ZNF536: variants seen among roughly 807,000 people sequenced by gnomAD.
The protein encoded by ZNF536 is zinc finger protein 536.
A neutral mutation model predicts 84.5 loss-of-function variants in ZNF536; 13 were observed. That is an observed-to-expected ratio of 0.15 (90% CI 0.10 to 0.24). The LOEUF (loss-of-function observed/expected upper bound fraction) is 0.24. ZNF536 is among the 10% of genes least tolerant of loss of function. The probability of loss-of-function intolerance (pLI) is 1.00; values close to 1 mark genes in which losing one functional copy is unlikely to be tolerated. For missense variants in ZNF536, 1,536 were observed against 1,747.5 expected, an observed-to-expected ratio of 0.88 and a Z score of 2.16; for synonymous variants, 811 against 742.5, an observed-to-expected ratio of 1.09 and a Z score of -1.50.
chr19:30,325,575 T>C lies in ZNF536; in HGVS notation c.-119-26793T>C, dbSNP rs565770750. 3.9e-5 allele frequency among the ~76,000 whole-genome samples: 6 copies of C among 152,338 alleles called. No individual in the cohort carries two copies. The East Asian group carries it at 7.7e-4, about 20-fold the overall frequency. ...GAGGGCAGCGGAGAGGGCCCTTCCC[T>C]GAGGCTCAAGTCTGGTTCCTCAGAC... On this transcript the variant is annotated intron_variant, in intron 2 of 5. Transcript: ENST00000585628.
chr19:30,273,651 A>C (rs938904092), intron 1 of ZNF536, among the ~76,000 whole-genome samples: 1 of 152,202 alleles, frequency 6.6e-6, no homozygotes, highest in Non-Finnish European at 1.5e-5. Flanking sequence ...TTTATCAGAT[A>C]TGTGTTTTGC....
chr19:30,527,534 A>G (rs750643093), intron 2 of ZNF536, among the ~76,000 whole-genome samples: 7 of 151,972 alleles, frequency 4.6e-5, no homozygotes, highest in Non-Finnish European at 1.0e-4. Context: ...CCAATCCATA[A>G]GAATACTTAA....
At chr19:30,541,550 C>A (rs2045334124) in intron 3 of ZNF536, among the ~76,000 whole-genome samples, 1 of 152,140 alleles carries the variant, frequency 6.6e-6, no homozygotes, top group African/African-American at 2.4e-5. Context: ...TTAATGACAT[C>A]CTAAACTTTT....
chr19:30,425,521 C>T (rs1351602408), intron 1 of ZNF536, among the ~76,000 whole-genome samples: 4 of 152,182 alleles, frequency 2.6e-5, no homozygotes, highest in Admixed American at 2.6e-4. Flanking sequence ...CATCTGACGT[C>T]TCTCCTCCTT....
At chr19:30,334,339 A>G (rs1447069736) in intron 2 of ZNF536, among the ~76,000 whole-genome samples, 2 of 152,208 alleles carry the variant, frequency 1.3e-5, no homozygotes, top group African/African-American at 4.8e-5. Flanking sequence ...AGAGTCAATT[A>G]ATGAACTTAC....
chr19:30,497,311 CAAGCCACCT>C (rs2054762611), intron 2 of ZNF536, among the ~76,000 whole-genome samples: 1 of 152,210 alleles, frequency 6.6e-6, no homozygotes, highest in African/African-American at 2.4e-5. Flanking sequence ...ACAACATGCA[CAAGCCACCT>C]ATAGGCTTCC....
intron 1 of ZNF536, among the ~76,000 whole-genome samples, chr19:30,623,675 A>C (rs1433116433): frequency 1.3e-5 from 2 of 152,184 alleles, no homozygotes; most frequent in Non-Finnish European, 2.9e-5. Context: ...CCTCTCAGTG[A>C]GGCCTCCCTG....
intron 1 of ZNF536, among the ~76,000 whole-genome samples, chr19:30,416,859 G>T (rs1568408308): frequency 6.6e-6 from 1 of 152,108 alleles, no homozygotes; most frequent in East Asian, 1.9e-4. Flanking sequence ...CTCTACCACT[G>T]CACTTTCCAT....
At chr19:30,312,863 C>T (rs987969263) in intron 2 of ZNF536, among the ~76,000 whole-genome samples, 2 of 152,254 alleles carry the variant, frequency 1.3e-5, no homozygotes, top group African/African-American at 2.4e-5. Flanking sequence ...TGACCTCAGG[C>T]AGCCTCCCTC....
chr19:30,323,894 C>T (rs766370387), intron 2 of ZNF536, among the ~76,000 whole-genome samples: 1 of 152,166 alleles, frequency 6.6e-6, no homozygotes, highest in Non-Finnish European at 1.5e-5. Flanking sequence ...CCTCAGTCAA[C>T]CTGACCATCC....
At chr19:30,478,853 G>A (rs1447612934) in intron 2 of ZNF536, among the ~76,000 whole-genome samples, 3 of 152,176 alleles carry the variant, frequency 2.0e-5, no homozygotes, top group Admixed American at 2.0e-4. Flanking sequence ...TAGTGCACAG[G>A]ACCTGCTGGG....
intron 1 of ZNF536, among the ~76,000 whole-genome samples, chr19:30,710,479 G>A (rs560934190): frequency 6.6e-6 from 1 of 152,194 alleles, no homozygotes; most frequent in East Asian, 1.9e-4. Flanking sequence ...GTTTGAGGCT[G>A]CAGTGAGATA....
chr19:30,708,050 TA>T (rs1373969479), intron 1 of ZNF536, among the ~76,000 whole-genome samples: 1 of 151,774 alleles, frequency 6.6e-6, no homozygotes, highest in African/African-American at 2.4e-5. Flanking sequence ...TATAATTCCT[TA>T]GAAAAAGGCA....
chr19:30,378,692 G>C (rs1038464583), intron 1 of ZNF536, among the ~76,000 whole-genome samples: 3 of 152,172 alleles, frequency 2.0e-5, no homozygotes, highest in African/African-American at 7.2e-5. Flanking sequence ...CTCCTGCATT[G>C]CTCCAGCCGA....
downstream of ZNF536, among the ~76,000 whole-genome samples, chr19:30,562,431 C>A (rs917818596): frequency 6.6e-6 from 1 of 152,086 alleles, no homozygotes; most frequent in Non-Finnish European, 1.5e-5. Context: ...TGAGGATTTT[C>A]TTTTAATTGT....
In ZNF536 at chr19:30,676,285, C is replaced by T. The variant is rs186190415; in HGVS notation, c.170-34472C>T. 3.9e-5 allele frequency among the ~76,000 whole-genome samples: 6 copies of T among 152,312 alleles called. No homozygotes were observed. In the East Asian group the frequency reaches 1.2e-3, roughly 29 times the overall value. On this transcript the variant is annotated intron_variant, in intron 1 of 1. Transcript: ENST00000592773. ...TTGCCTCTACTGTGAGCAAGATGAA[C>T]ATGAACCTTTGTGCATAAAACCTGA... is the stretch of plus-strand genomic sequence containing the variant.
chr19:30,282,361 A>G (rs1352518266), intron 1 of ZNF536, among the ~76,000 whole-genome samples: 3 of 152,132 alleles, frequency 2.0e-5, no homozygotes, highest in African/African-American at 7.2e-5. Flanking sequence ...CCCTTTCATG[A>G]TTTAGAGCAT....
chr19:30,270,402 C>A (rs552237993), intron 1 of ZNF536, among the ~76,000 whole-genome samples: 1 of 152,306 alleles, frequency 6.6e-6, no homozygotes, highest in South Asian at 2.1e-4. Flanking sequence ...CTTTACTAAT[C>A]AGAACCTGAA....
At chr19:30,269,502 G>A (rs955687825) in intron 1 of ZNF536, among the ~76,000 whole-genome samples, 1 of 152,190 alleles carries the variant, frequency 6.6e-6, no homozygotes, top group Non-Finnish European at 1.5e-5. Context: ...TAAGAGACAA[G>A]TGATTCCTAA....
Sources: allele counts gnomAD v4.1 joint callset (sites outside exome capture counted in the v4.1 genomes callset), GRCh38; gene constraint gnomAD v4.1.1; transcripts MANE v1.5; gene names NCBI Gene and HGNC (gene_info 2026-07-23, HGNC 2026-07-21).